LIPH: variants seen among roughly 807,000 people sequenced by gnomAD.
The protein encoded by LIPH is lipase H, also known as lipase member H.
In LIPH, 32 loss-of-function variants were observed where a neutral mutation model predicts 47.6. The ratio of observed to expected loss-of-function variants is 0.67; its 90% CI spans 0.51 to 0.90. The LOEUF (loss-of-function observed/expected upper bound fraction) is 0.90, where lower values mean the gene tolerates loss of function less well. Among genes scored for constraint, LIPH ranks in the 40% least tolerant of loss-of-function variants. LIPH has a pLI of 0.00. For missense variants in LIPH, 497 were observed against 541.4 expected (o/e 0.92, Z 0.81); for synonymous variants, 190 against 195.6 (o/e 0.97, Z 0.24).
At chr3:185,549,694 G>A (rs867043985) in intron 1 of LIPH, among the ~76,000 whole-genome samples, 8 of 152,110 alleles carry the variant, frequency 5.3e-5, no homozygotes, top group East Asian at 1.9e-4. Flanking sequence ...CAGACAGGGC[G>A]GGAAAATTTT....
chr3:185,550,837 GGA>G (rs1721027373), intron 1 of LIPH, among the ~76,000 whole-genome samples: 1 of 151,986 alleles, frequency 6.6e-6, no homozygotes, highest in Non-Finnish European at 1.5e-5. Flanking sequence ...CAGAGTGCTG[GGA>G]TTATAGGCAT....
chr3:185,527,010 C>T (rs1234471422), intron 4 of LIPH, among the ~76,000 whole-genome samples: 29 of 152,166 alleles, frequency 1.9e-4, no homozygotes, highest in African/African-American at 6.0e-4. Context: ...GAGGCCGAGG[C>T]GGGCGGATCA....
chr3:185,527,559 T>G lies in LIPH; in HGVS notation c.553A>C (p.Asn185His), dbSNP rs1720148190. 1 of 1,611,826 alleles carries G rather than the reference T, an allele frequency of 6.2e-7. No individual in the cohort carries two copies. Among genetic ancestry groups the G allele is most frequent in the African/African-American group, 1.3e-5 (1 of 74,356 alleles). ...AATCTGTCTTGGTGAGGTTTCCCGTTGAATAAAGGGCCTGCAGGGTCGAGG... is the reference window on the plus strand; with the variant it reads ...AATCTGTCTTGGTGAGGTTTCCCGTGGAATAAAGGGCCTGCAGGGTCGAGG... ...TGLDPAGPLFNGKPHQDRLDP... is the reference protein window; with the variant it reads ...TGLDPAGPLFHGKPHQDRLDP... The change falls in exon 4 of 10, where the codon AAC (asparagine) becomes CAC (histidine). Residue 185 changes from asparagine (N) to histidine (H), a missense_variant. Physicochemically the swap from Asn to His is moderately conservative, Grantham distance 68 (BLOSUM62 1). Coordinates refer to ENST00000296252, the MANE Select transcript of LIPH (RefSeq NM_139248.3).
In LIPH at chr3:185,527,491, G is replaced by A. The variant is rs751413408; in HGVS notation, c.621C>T (p.Asp207=). The change falls in exon 4 of 10, where the codon GAC becomes GAT. Residue 207 remains aspartate, a synonymous_variant. Transcript: ENST00000296252. ...CAAGGAAAGGAGCGTTACCATCAGT[G>A]TCGGAATGGATGACATCAACAAACT... The part of the protein sequence containing the change: ...DAQFVDVIHS[D]TDALGYKEPL... 3.1e-6 allele frequency: 5 copies of A among 1,609,442 alleles called. No homozygotes were observed. Among genetic ancestry groups the A allele is most frequent in the Middle Eastern group, 1.6e-4 (1 of 6,072 alleles).
At position 185,541,360 on chromosome 3, in the gene LIPH, AC is replaced by A. The variant is rs201399561; in HGVS notation, c.50-6229del. 7.7e-3 allele frequency among the ~76,000 whole-genome samples: 1,162 copies of A among 151,808 alleles called. 14 individuals are homozygous for A. Among genetic ancestry groups the A allele is most frequent in the African/African-American group, 0.027 (1,112 of 41,414 alleles). On this transcript the variant is annotated intron_variant, in intron 1 of 9. Transcript: ENST00000296252. ...ATGCAGTCTCTTCCCATTGTCAAAT[AC>A]AGTCGATTCTCATTATTTCTGGATC...
At position 185,552,347 on chromosome 3, in the gene LIPH, T is replaced by A. The variant is rs911582001; in HGVS notation, c.49+76A>T. 5 of 1,008,900 alleles carry A rather than the reference T, an allele frequency of 5.0e-6. No individual in the cohort carries two copies. In the Admixed American group the frequency reaches 5.1e-5, roughly 10 times the overall value. 62.5% of individuals were successfully genotyped at this position (1,008,900 alleles called of 1,614,324 possible). A position where few individuals can be genotyped will look rare whatever the true frequency, so the allele number is the denominator to read the frequency against. On this transcript the variant is annotated intron_variant, in intron 1 of 9. Transcript: ENST00000296252. ...CTTAAGTTCACCGAAGGAAGTGGAA[T>A]GATGACATGCAAAATGACAACACAA...
At chr3:185,527,828 G>A (rs1163602962) in intron 3 of LIPH, among the ~76,000 whole-genome samples, 2 of 149,610 alleles carry the variant, frequency 1.3e-5, no homozygotes, top group Non-Finnish European at 3.0e-5. Flanking sequence ...AGGGGCATGT[G>A]TCATGCAGAG....
At chr3:185,526,507 GTGAA>G (rs1720080359) in intron 4 of LIPH, among the ~76,000 whole-genome samples, 2 of 149,014 alleles carry the variant, frequency 1.3e-5, no homozygotes, top group South Asian at 4.2e-4. Context: ...GGTGGCAGGA[GTGAA>G]ACTCCGTCTC....
At chr3:185,534,058 T>C (rs1186055914) in intron 2 of LIPH, among the ~76,000 whole-genome samples, 1 of 152,056 alleles carries the variant, frequency 6.6e-6, no homozygotes, top group Non-Finnish European at 1.5e-5. Context: ...ACCCCGTCTT[T>C]ACTAAAAATA....
chr3:185,550,866 C>A (rs1284034454), intron 1 of LIPH, among the ~76,000 whole-genome samples: 1 of 152,100 alleles, frequency 6.6e-6, no homozygotes, highest in Non-Finnish European at 1.5e-5. Context: ...CTGCGCCTGA[C>A]CATTTATCTT....
intron 1 of LIPH, among the ~76,000 whole-genome samples, chr3:185,537,225 T>G (rs1445081046): frequency 1.3e-5 from 2 of 152,150 alleles, no homozygotes; most frequent in East Asian, 1.9e-4. Context: ...TGTCTGAAAT[T>G]TATCTGCATC....
chr3:185,529,193 GA>G (rs57278879), intron 3 of LIPH, among the ~76,000 whole-genome samples: 1 of 116,890 alleles, frequency 8.6e-6, no homozygotes, highest in Non-Finnish European at 1.7e-5. Context: ...AAAAAAAAAA[GA>G]AAAAAAGAAA....
Position 185,539,688 on chromosome 3 carries a change from T to C in LIPH, c.50-4556A>G, listed in dbSNP as rs1047093383. ...GCCCGGCCGCATTTTACGGATCTTA[T>C]ATATAGGATCAAATTGGGTATTATT... On this transcript the variant is annotated intron_variant, in intron 1 of 9. Coordinates refer to ENST00000296252, the MANE Select transcript of LIPH (RefSeq NM_139248.3). 2.6e-5 allele frequency among the ~76,000 whole-genome samples: 4 copies of C among 152,296 alleles called. No individual in the cohort carries two copies. The South Asian group carries it at 6.2e-4, about 24-fold the overall frequency.
At position 185,508,483 on chromosome 3, in the gene LIPH, A is replaced by T; in HGVS notation, c.*307T>A. On this transcript the variant is annotated 3_prime_UTR_variant, in exon 10 of 10. Coordinates refer to ENST00000296252, the MANE Select transcript of LIPH (RefSeq NM_139248.3). ...ACCCGCAGCCGCGATGGGCAGAACC[A>T]CCCGCGTGACAGGCAGCAGAATTGA... 1 of 384,536 alleles carries T rather than the reference A, an allele frequency of 2.6e-6. No homozygotes were observed. The highest frequency in any genetic ancestry group is 4.9e-6 in the Non-Finnish European group (1 of 204,156). 23.8% of individuals were successfully genotyped at this position (384,536 alleles called of 1,614,324 possible). A position where few individuals can be genotyped will look rare whatever the true frequency, so the allele number is the denominator to read the frequency against.
chr3:185,547,196 G>A (rs911534378), intron 1 of LIPH, among the ~76,000 whole-genome samples: 20 of 151,706 alleles, frequency 1.3e-4, no homozygotes, highest in Admixed American at 9.9e-4. Context: ...AAGGTGCCTT[G>A]GACCCTTTGG....
chr3:185,516,970 A>G (rs1719746134), intron 7 of LIPH, 97 bp downstream of exon 7: 4 of 833,992 alleles, frequency 4.8e-6, no homozygotes, highest in South Asian at 2.7e-5. Context: ...ATGCTTCATC[A>G]TGGCTCTTAT....
chr3:185,527,377 G>C, intron 4 of LIPH, 107 bp downstream of exon 4: 2 of 872,140 alleles, frequency 2.3e-6, no homozygotes, highest in South Asian at 2.7e-5. Flanking sequence ...GGAAAAAAAA[G>C]TTAGAATCTA....
rs1318878853 is a variant in LIPH, at chr3:185,508,523, G to A, written c.*267C>T. On this transcript the variant is annotated 3_prime_UTR_variant, in exon 10 of 10. Transcript: ENST00000296252. ...AGCAGAATTGACAGGTCGGAACAAG[G>A]GAGGCCCCAGGACACAGCAGACACA... The A allele has an allele frequency of 2.1e-6, 1 of 468,524 alleles. No individual in the cohort carries two copies. Among genetic ancestry groups the A allele is most frequent in the Non-Finnish European group, 3.9e-6 (1 of 255,692 alleles). 29.0% of individuals were successfully genotyped at this position (468,524 alleles called of 1,614,324 possible).
chr3:185,517,869 C>A (rs537403728), intron 6 of LIPH, among the ~76,000 whole-genome samples: 1 of 152,252 alleles, frequency 6.6e-6, no homozygotes, highest in South Asian at 2.1e-4. Flanking sequence ...ATCCTCATGA[C>A]CATCCAGTTT....
Sources: gnomAD v4.1 joint callset for allele counts (sites outside exome capture counted in the v4.1 genomes callset) on GRCh38, gnomAD v4.1.1 for gene constraint, MANE v1.5 for transcripts, NCBI Gene and HGNC (gene_info 2026-07-23, HGNC 2026-07-21) for gene names.